Variants in CAPSL observed in about 807,000 individuals in gnomAD.
CAPSL encodes calcyphosine like, also known as calcyphosin-like protein.
A neutral mutation model predicts 21.3 loss-of-function variants in CAPSL; 17 were observed. The observed-to-expected ratio is 0.80, with a 90% confidence interval of 0.55 to 1.20. The LOEUF is 1.20. Ranked by LOEUF, CAPSL falls within the 50% of genes most tolerant of loss-of-function variation. The pLI is 0.00. For missense variants in CAPSL, 289 were observed against 259.3 expected (o/e 1.11, Z -0.79); for synonymous variants, 102 against 89.3 (o/e 1.14, Z -0.80).
At chr5:35,916,455 T>G (rs1738388209) in intron 2 of CAPSL, among the ~76,000 whole-genome samples, 1 of 152,184 alleles carries the variant, frequency 6.6e-6, no homozygotes, top group African/African-American at 2.4e-5. Flanking sequence ...GCTACCTGAC[T>G]TCAAACTATA....
chr5:35,931,409 A>G (rs1013378398), intron 1 of CAPSL, among the ~76,000 whole-genome samples: 4 of 150,566 alleles, frequency 2.7e-5, no homozygotes, highest in Admixed American at 1.3e-4. Context: ...ATAATATTCA[A>G]GAACCCATGT....
chr5:35,905,629 C>A (rs1046172833), intron 4 of CAPSL, among the ~76,000 whole-genome samples: 5 of 152,326 alleles, frequency 3.3e-5, no homozygotes, highest in Non-Finnish European at 4.4e-5. Context: ...ATTAGGATAC[C>A]ATTAGCATCC....
intron 1 of CAPSL, among the ~76,000 whole-genome samples, chr5:35,934,988 T>A (rs946411583): frequency 6.6e-6 from 1 of 152,134 alleles, no homozygotes; most frequent in African/African-American, 2.4e-5. Flanking sequence ...AAATTCTAAG[T>A]ATTAAGGAAC....
At chr5:35,922,037 C>T (rs1011215544) in intron 1 of CAPSL, among the ~76,000 whole-genome samples, 4 of 149,040 alleles carry the variant, frequency 2.7e-5, no homozygotes, top group African/African-American at 5.0e-5. Context: ...GCAAGAGGCT[C>T]GAAGGATGTG....
At chr5:35,916,295 A>C (rs1738383326) in intron 2 of CAPSL, among the ~76,000 whole-genome samples, 1 of 152,094 alleles carries the variant, frequency 6.6e-6, no homozygotes, top group South Asian at 2.1e-4. Context: ...TGCCCAAGGT[A>C]ATTTATAGAT....
intron 4 of CAPSL, 92 bp downstream of exon 4, chr5:35,909,774 C>A: frequency 9.8e-7 from 1 of 1,020,122 alleles, no homozygotes; most frequent in Non-Finnish European, 1.5e-6. Flanking sequence ...AATATGGTAT[C>A]AATGTGTTAA....
chr5:35,913,399 A>G (rs979824841), intron 2 of CAPSL, among the ~76,000 whole-genome samples: 5 of 152,220 alleles, frequency 3.3e-5, no homozygotes, highest in Non-Finnish European at 5.9e-5. Flanking sequence ...TCCAAGACAC[A>G]TAATTGTCAG....
rs547807746 is a variant in CAPSL, at chr5:35,930,073, C to T, written c.-1+8468G>A. On this transcript the variant is annotated intron_variant, in intron 1 of 4. Coordinates refer to ENST00000651391, the MANE Select transcript of CAPSL (RefSeq NM_001042625.2). ...TTCTAAAATGTATGAATATATGAAA[C>T]ATCTGGTTTTTGTTTGGATTGTCAA... is the stretch of plus-strand genomic sequence containing the variant. Among the ~76,000 whole-genome samples the T allele has an allele frequency of 8.5e-5, 13 of 152,244 alleles. No homozygotes were observed. In the South Asian group the frequency reaches 2.3e-3, roughly 27 times the overall value.
intron 2 of CAPSL, among the ~76,000 whole-genome samples, chr5:35,913,069 C>T (rs558465092): frequency 2.0e-5 from 3 of 152,270 alleles, no homozygotes; most frequent in African/African-American, 7.2e-5. Flanking sequence ...ATGCACAAGC[C>T]TCAGTAGCCA....
chr5:35,937,836 T>TAAAA (rs1738992108), intron 1 of CAPSL, among the ~76,000 whole-genome samples: 2 of 48,938 alleles, frequency 4.1e-5, no homozygotes, highest in African/African-American at 2.9e-4. Flanking sequence ...AAAAAATAAG[T>TAAAA]CAAAAAAAAA....
chr5:35,910,167 G>C (rs138096862), intron 3 of CAPSL, 92 bp from the exon 4 acceptor site: 34 of 1,183,928 alleles, frequency 2.9e-5, no homozygotes, highest in Non-Finnish European at 3.7e-5. Context: ...TCCCCTCAAC[G>C]ATGTGAAATA....
intron 4 of CAPSL, among the ~76,000 whole-genome samples, chr5:35,907,108 G>A (rs892279908): frequency 6.6e-6 from 1 of 152,074 alleles, no homozygotes; most frequent in Admixed American, 6.5e-5. Flanking sequence ...TGAGAGACTG[G>A]GCACTCCTAC....
chr5:35,930,672 G>A (rs777737707), intron 1 of CAPSL, among the ~76,000 whole-genome samples: 2 of 152,200 alleles, frequency 1.3e-5, no homozygotes, highest in Non-Finnish European at 2.9e-5. Flanking sequence ...CAAGAGGAAC[G>A]GATGAGACAG....
At position 35,904,406 on chromosome 5, in the gene CAPSL, C is replaced by A; in HGVS notation, c.*139G>T. The A allele has an allele frequency of 1.5e-6, 1 of 671,672 alleles. No homozygotes were observed. The highest frequency in any genetic ancestry group is 2.7e-5 in the East Asian group (1 of 36,840). 41.6% of individuals were successfully genotyped at this position (671,672 alleles called of 1,614,324 possible). A position where few individuals can be genotyped will look rare whatever the true frequency, so the allele number is the denominator to read the frequency against. ...TCTTTTATTTCTGCCTGTTTTTTGG[C>A]CCCAGAAAATGCAATATTTTGACAC... On this transcript the variant is annotated 3_prime_UTR_variant, in exon 5 of 5. Transcript: ENST00000651391.
intron 1 of CAPSL, among the ~76,000 whole-genome samples, chr5:35,932,595 A>T (rs1450933054): frequency 1.3e-5 from 2 of 152,194 alleles, no homozygotes; most frequent in African/African-American, 4.8e-5. Flanking sequence ...GGTTCTGTTT[A>T]TAAAAAAGAA....
intron 2 of CAPSL, among the ~76,000 whole-genome samples, chr5:35,913,775 C>T (rs547987758): frequency 5.3e-5 from 8 of 152,242 alleles, no homozygotes; most frequent in East Asian, 1.9e-4. Context: ...TAAAGACCAT[C>T]GATGCTATGA....
chr5:35,931,317 C>T lies in CAPSL; in HGVS notation c.-1+7224G>A, dbSNP rs16902619. On this transcript the variant is annotated intron_variant, in intron 1 of 4. Transcript: ENST00000651391. ...AGAGAGAAAGTCACTCTATTATAAC[C>T]TCTTCTCTCAGTAGAATTTTGTCAA... Among the ~76,000 whole-genome samples, 971 of 152,162 alleles carry T rather than the reference C, an allele frequency of 6.4e-3. 17 individuals carry two copies. Among genetic ancestry groups the T allele is most frequent in the African/African-American group, 0.022 (923 of 41,512 alleles).
intron 2 of CAPSL, among the ~76,000 whole-genome samples, chr5:35,919,168 A>ATTATATATAT (rs1328263175): frequency 8.8e-6 from 1 of 113,034 alleles, no homozygotes; most frequent in African/African-American, 3.2e-5. Context: ...ATTAAAAAAA[A>ATTATATATAT]AAATATATAT....
Position 35,917,228 on chromosome 5 carries a change from G to A in CAPSL, c.137+3756C>T, listed in dbSNP as rs566697282. Among the ~76,000 whole-genome samples, 6 of 150,408 alleles carry A rather than the reference G, an allele frequency of 4.0e-5. No homozygotes were observed. The East Asian group carries it at 1.1e-3, about 27-fold the overall frequency. On this transcript the variant is annotated intron_variant, in intron 2 of 4. Coordinates refer to ENST00000651391, the MANE Select transcript of CAPSL (RefSeq NM_001042625.2). ...AAGTCAGGAAACAACAGGTGCTGGA[G>A]AGAATGTGGAGAAATAGGAACACTT...
Sources: gnomAD v4.1 joint callset for allele counts (sites outside exome capture counted in the v4.1 genomes callset) on GRCh38, gnomAD v4.1.1 for gene constraint, MANE v1.5 for transcripts, NCBI Gene and HGNC (gene_info 2026-07-23, HGNC 2026-07-21) for gene names.